F11: variants seen among roughly 807,000 people sequenced by gnomAD.
F11 encodes coagualtion factor XI.
F11 carries 78 observed loss-of-function variants against 76.5 expected under a neutral mutation model. The observed-to-expected ratio is 1.02, with a 90% CI of 0.85 to 1.23. The LOEUF (loss-of-function observed/expected upper bound fraction) is 1.23. Among genes scored for constraint, F11 ranks in the 50% most tolerant of loss-of-function variants. F11 has a pLI of 0.00. For missense variants in F11, 742 were observed against 771.4 expected, an observed-to-expected ratio of 0.96 and a Z score of 0.45; for synonymous variants, 278 against 276.3, an observed-to-expected ratio of 1.01 and a Z score of -0.06.
chr4:186,268,469 A>G (rs1038578372), intron 2 of F11, among the ~76,000 whole-genome samples: 2 of 152,190 alleles, frequency 1.3e-5, no homozygotes, highest in South Asian at 2.1e-4. Flanking sequence ...ACCACACACA[A>G]GCCTCTGAAA....
intron 13 of F11, 91 bp from the exon 14 acceptor site, chr4:186,287,593 T>A (rs186001900): frequency 0.024 from 5,535 of 234,346 alleles, 71 homozygotes; most frequent in Admixed American, 0.054. Flanking sequence ...CAATTAAAAA[T>A]ATATATATAT....
intron 10 of F11, among the ~76,000 whole-genome samples, chr4:186,283,614 G>A (rs1456051648): frequency 3.9e-5 from 6 of 152,184 alleles, no homozygotes; most frequent in East Asian, 1.9e-4. Context: ...TGCAGCCTGC[G>A]GGCAAGGTGC....
In F11 at chr4:186,279,980, A is replaced by T. The variant is rs372666579; in HGVS notation, c.756-32A>T. On this transcript the variant is annotated intron_variant, in intron 7 of 14. Transcript: ENST00000403665. Reference sequence around the variant, plus strand: ...AAAATGTTTTTATGTGTTTGATATGATATATTTCTACTTCCCTTTTGTTTT... The same window carrying T: ...AAAATGTTTTTATGTGTTTGATATGTTATATTTCTACTTCCCTTTTGTTTT... 30 of 1,500,700 alleles carry T rather than the reference A, an allele frequency of 2.0e-5. No individual in the cohort carries two copies. The African/African-American group carries it at 3.6e-4, about 18-fold the overall frequency. 93.0% of individuals were successfully genotyped at this position (1,500,700 alleles called of 1,614,324 possible).
At chr4:186,272,704 G>A (rs4253408) in intron 3 of F11, among the ~76,000 whole-genome samples, 8,704 of 152,264 alleles carry the variant, frequency 0.057, 341 homozygotes, top group South Asian at 0.16. Context: ...CCACAGTAAA[G>A]CCAAGGATAT....
At position 186,286,430 on chromosome 4, in the gene F11, T is replaced by C. The variant is rs1741211376; in HGVS notation, c.1496T>C (p.Ile499Thr). 2 of 1,613,948 alleles carry C rather than the reference T, an allele frequency of 1.2e-6. No individual in the cohort carries two copies. The highest frequency in any genetic ancestry group is 2.2e-5 in the South Asian group (2 of 91,076). Residue 499 changes from isoleucine (I) to threonine (T), a missense_variant, in exon 13 of 15, where the codon ATA (isoleucine) becomes ACA (threonine). Coordinates refer to ENST00000403665, the MANE Select transcript of F11 (RefSeq NM_000128.4). ...TTAAATTTAGATTCTCAACGACCCA[T>C]ATGCCTGCCTTCCAAAGGAGATAGA... ...TVNYTDSQRP[I>T]CLPSKGDRNV...
At chr4:186,279,306 C>T (rs903600001) in intron 7 of F11, among the ~76,000 whole-genome samples, 2 of 151,902 alleles carry the variant, frequency 1.3e-5, no homozygotes, top group African/African-American at 2.4e-5. Context: ...CACTTGAACC[C>T]GGGAGGCGGA....
At chr4:186,272,859 C>T in intron 3 of F11, 1 of 492,840 alleles carries the variant, frequency 2.0e-6, no homozygotes. Flanking sequence ...CCTGTTTGTT[C>T]CTATTAGAAA....
At chr4:186,268,602 A>G (rs919289408) in intron 2 of F11, among the ~76,000 whole-genome samples, 2 of 151,964 alleles carry the variant, frequency 1.3e-5, no homozygotes, top group African/African-American at 4.8e-5. Flanking sequence ...AAAATTGAGT[A>G]TTTATAATCA....
At chr4:186,273,599 T>A (rs1165646801) in intron 4 of F11, among the ~76,000 whole-genome samples, 3 of 152,050 alleles carry the variant, frequency 2.0e-5, no homozygotes, top group Non-Finnish European at 4.4e-5. Context: ...ACCAGAGGCA[T>A]GCACCAACAT....
At chr4:186,279,400 T>A (rs967692165) in intron 7 of F11, among the ~76,000 whole-genome samples, 3 of 151,880 alleles carry the variant, frequency 2.0e-5, no homozygotes, top group South Asian at 2.1e-4. Flanking sequence ...AAAAAAATTT[T>A]AAATAAAACT....
At chr4:186,273,312 A>G in intron 4 of F11, 135 bp downstream of exon 4, 1 of 765,260 alleles carries the variant, frequency 1.3e-6, no homozygotes, top group Non-Finnish European at 2.3e-6. Flanking sequence ...CTTTCAGTGT[A>G]GAGTATAAAC....
Position 186,288,587 on chromosome 4 carries a change from G to A in F11, c.1851G>A (p.Trp617Ter). ...VYTNVVEYVD[W>*]ILEKTQAV ...CCAACGTGGTCGAGTACGTGGACTG[G>A]ATTCTGGAGAAAACTCAAGCAGTGT... Residue 617 changes from tryptophan to a stop codon, truncating the protein, a stop_gained, in exon 15 of 15, where the codon TGG becomes TGA. Transcript: ENST00000403665. LOFTEE classifies it high-confidence loss of function. 2 of 1,614,174 alleles carry A rather than the reference G, an allele frequency of 1.2e-6. No homozygotes were observed. The highest frequency in any genetic ancestry group is 1.7e-6 in the Non-Finnish European group (2 of 1,180,038).
rs1173748968 is a variant in F11 at position 186,274,280 on chromosome 4, G to A, written c.485+5G>A. 4 of 1,614,094 alleles carry A rather than the reference G, an allele frequency of 2.5e-6. No individual in the cohort carries two copies. The highest frequency in any genetic ancestry group is 8.5e-7 in the Non-Finnish European group (1 of 1,180,046). On this transcript the variant is annotated splice_donor_5th_base_variant and intron_variant, in intron 5 of 14. Coordinates refer to ENST00000403665, the MANE Select transcript of F11 (RefSeq NM_000128.4). ...GTTTCCCAGCCTGGAGCATCGGTGA[G>A]TGAGTCCCAGGACATTCGAGTGGTC...
intron 4 of F11, 81 bp downstream of exon 4, chr4:186,273,258 A>G: frequency 9.2e-7 from 1 of 1,088,984 alleles, no homozygotes; most frequent in South Asian, 1.3e-5. Flanking sequence ...TAAGGCTATG[A>G]AATGAAACAC....
chr4:186,284,194 G>A lies in F11; in HGVS notation c.1238G>A (p.Arg413Lys). 6.2e-6 allele frequency: 10 copies of A among 1,614,238 alleles called. No individual in the cohort carries two copies. Among genetic ancestry groups the A allele is most frequent in the Non-Finnish European group, 8.5e-6 (10 of 1,180,042 alleles). The part of the protein sequence containing the change: ...VTLHTTSPTQ[R>K]HLCGGSIIGN... ...CTGCACACAACCTCACCCACTCAGA[G>A]ACACCTGTGTGGAGGCTCCATCATT... The change falls in exon 11 of 15, where the codon AGA (arginine) becomes AAA (lysine). Residue 413 changes from arginine (R) to lysine (K), a missense_variant. Physicochemically the swap from Arg to Lys is conservative, Grantham distance 26. Transcript: ENST00000403665.
Position 186,271,875 on chromosome 4 carries a change from T to C in F11, c.218+104T>C. The C allele has an allele frequency of 3.9e-6, 5 of 1,270,390 alleles. No individual in the cohort carries two copies. In the South Asian group the frequency reaches 4.9e-5, roughly 12 times the overall value. The allele number at this position is 1,270,390 out of a possible 1,614,324, so 78.7% of individuals were successfully genotyped here. A position where few individuals can be genotyped will look rare whatever the true frequency, so the allele number is the denominator to read the frequency against. ...TTTTATAAAATTTAACATTAACAAC[T>C]GGAAGATAAATTGTCTTTCAGTTGA... On this transcript the variant is annotated intron_variant, in intron 3 of 14. Coordinates refer to ENST00000403665, the MANE Select transcript of F11 (RefSeq NM_000128.4).
At position 186,275,645 on chromosome 4, in the gene F11, C is replaced by T. The variant is rs145074562; in HGVS notation, c.486-142C>T. ...AGGTGCTTAGCAACACTGCTGGGAC[C>T]ATGCCCAGCCATTCAGCCTCCCAGA... On this transcript the variant is annotated intron_variant, in intron 5 of 14. Transcript: ENST00000403665. 4.1e-4 allele frequency: 281 copies of T among 687,852 alleles called. 2 individuals are homozygous for T. In the African/African-American group the frequency reaches 4.3e-3, roughly 11 times the overall value. The allele number at this position is 687,852 out of a possible 1,614,324, so 42.6% of individuals were successfully genotyped here.
Position 186,286,520 on chromosome 4 carries a change from ATGT to A in F11, c.1576+15_1576+17del, listed in dbSNP as rs1741219985. 3 of 1,612,980 alleles carry A rather than the reference ATGT, an allele frequency of 1.9e-6. No individual in the cohort carries two copies. The highest frequency in any genetic ancestry group is 2.7e-5 in the African/African-American group (2 of 74,906). On this transcript the variant is annotated intron_variant, in intron 13 of 14. Coordinates refer to ENST00000403665, the MANE Select transcript of F11 (RefSeq NM_000128.4). ...TACAGAAAACTAAGAGGTAAAAATG[ATGT>A]TGTTATATGTGCTCCATCCTAGAAA...
chr4:186,280,608 T>C (rs1218530454), intron 10 of F11, 28 bp downstream of exon 10: 10 of 1,506,166 alleles, frequency 6.6e-6, no homozygotes, highest in South Asian at 1.1e-5. Flanking sequence ...TGAAAAAATA[T>C]AGCTGAAGGA....
Sources: allele counts gnomAD v4.1 joint callset (sites outside exome capture counted in the v4.1 genomes callset), GRCh38; gene constraint gnomAD v4.1.1; transcripts MANE v1.5; gene names NCBI Gene and HGNC (gene_info 2026-07-23, HGNC 2026-07-21).